Variants in THYN1 observed in about 807,000 individuals in gnomAD.
The protein encoded by THYN1 is thymocyte nuclear protein 1.
THYN1 carries 32 observed loss-of-function variants against 30.6 expected under a neutral mutation model. The observed-to-expected ratio is 1.05, with a 90% CI of 0.79 to 1.40. THYN1 has a LOEUF of 1.40. Among genes scored for constraint, THYN1 ranks in the 40% most tolerant of loss-of-function variants. The pLI is 0.00. For synonymous variants in THYN1, 107 were observed against 90.8 expected (o/e 1.18, Z -1.01); for missense variants, 259 against 272.6 (o/e 0.95, Z 0.35).
chr11:134,250,180 C>T (rs188859058), intron 3 of THYN1, 95 bp downstream of exon 3: 1 of 1,448,114 alleles, frequency 6.9e-7, no homozygotes, highest in African/African-American at 1.4e-5. Flanking sequence ...AAAAAGCAAC[C>T]TTGGCCAAGA....
intron 5 of THYN1, 83 bp downstream of exon 5, chr11:134,249,084 T>G: frequency 6.5e-7 from 1 of 1,544,534 alleles, no homozygotes; most frequent in Non-Finnish European, 8.9e-7. Context: ...CTGGGCCGTG[T>G]ACCTTGACCT....
At position 134,253,298 on chromosome 11, in the gene THYN1, C is replaced by T. The variant is rs764131240; in HGVS notation, c.-416G>A. 5.6e-5 allele frequency: 77 copies of T among 1,385,176 alleles called. No individual in the cohort carries two copies. Among genetic ancestry groups the T allele is most frequent in the Non-Finnish European group, 6.9e-5 (74 of 1,069,796 alleles). The allele number at this position is 1,385,176 out of a possible 1,614,324, so 85.8% of individuals were successfully genotyped here. ...GATGAAGTAATTTGCTGGCTACAGA[C>T]CCAACACTCTGCAGACTCGACTGCG... On this transcript the variant is annotated 5_prime_UTR_variant, in exon 1 of 7. Coordinates refer to ENST00000341541, the MANE Select transcript of THYN1 (RefSeq NM_014174.3).
rs1269107983 is a variant in THYN1, at chr11:134,249,148, T to C, written c.480+19A>G. ...GGTTCATCCTTCCCCTGTCATGAAA[T>C]AGAAAGCATAGTCTTTACCATGGAC... On this transcript the variant is annotated intron_variant, in intron 5 of 6. Coordinates refer to ENST00000341541, the MANE Select transcript of THYN1 (RefSeq NM_014174.3). 2.5e-6 allele frequency: 4 copies of C among 1,601,850 alleles called. No homozygotes were observed. The highest frequency in any genetic ancestry group is 2.6e-6 in the Non-Finnish European group (3 of 1,173,000).
At chr11:134,252,108 T>A (rs1029604237) in intron 1 of THYN1, among the ~76,000 whole-genome samples, 2 of 152,234 alleles carry the variant, frequency 1.3e-5, no homozygotes, top group Non-Finnish European at 2.9e-5. Flanking sequence ...TATCTGAAGC[T>A]ACTTAATGAC....
intron 2 of THYN1, among the ~76,000 whole-genome samples, chr11:134,250,601 C>G (rs1397145357): frequency 2.0e-5 from 3 of 152,074 alleles, no homozygotes; most frequent in Non-Finnish European, 4.4e-5. Context: ...CTGCTAGTTA[C>G]TTGCATTTTA....
chr11:134,249,380 G>C, intron 4 of THYN1, 118 bp from the exon 5 acceptor site: 1 of 958,532 alleles, frequency 1.0e-6, no homozygotes, highest in Non-Finnish European at 1.7e-6. Flanking sequence ...CTGCCTTGCT[G>C]TACAGCCAAT....
Position 134,253,252 on chromosome 11 carries a change from A to C in THYN1, c.-370T>G, listed in dbSNP as rs1304458099. On this transcript the variant is annotated 5_prime_UTR_variant, in exon 1 of 7. Transcript: ENST00000341541. ...CTTGTTATCCTTGCTAATTAGGATC[A>C]ACTGAATGGATAATCTAGATGATGA... The C allele has an allele frequency of 3.0e-6, 4 of 1,330,080 alleles. No homozygotes were observed. The African/African-American group carries it at 6.0e-5, about 20-fold the overall frequency. The allele number at this position is 1,330,080 out of a possible 1,614,324, so 82.4% of individuals were successfully genotyped here. A position where few individuals can be genotyped will look rare whatever the true frequency, so the allele number is the denominator to read the frequency against.
chr11:134,248,336 G>A lies in THYN1; in HGVS notation c.*102C>T, dbSNP rs776438697. ...ACACAAAAACCACTGAGGTACACAAGCCCAGGTAAGCATACCAAGCAAGCC... is the reference window on the plus strand; with the variant it reads ...ACACAAAAACCACTGAGGTACACAAACCCAGGTAAGCATACCAAGCAAGCC... On this transcript the variant is annotated 3_prime_UTR_variant, in exon 7 of 7. Transcript: ENST00000341541. 9.2e-6 allele frequency: 12 copies of A among 1,305,832 alleles called. No individual in the cohort carries two copies. Among genetic ancestry groups the A allele is most frequent in the African/African-American group, 2.9e-5 (2 of 68,652 alleles). 80.9% of individuals were successfully genotyped at this position (1,305,832 alleles called of 1,614,324 possible).
At chr11:134,249,799 G>A in intron 4 of THYN1, 29 bp downstream of exon 4, 5 of 1,607,144 alleles carry the variant, frequency 3.1e-6, no homozygotes, top group Non-Finnish European at 4.3e-6. Flanking sequence ...GGAGGAAAAG[G>A]GATTCACACC....
Position 134,253,349 on chromosome 11 carries a change from G to T in THYN1, c.-467C>A. 7.1e-7 allele frequency: 1 copy of T among 1,412,918 alleles called. No homozygotes were observed. The highest frequency in any genetic ancestry group is 2.6e-5 in the East Asian group (1 of 38,218). The allele number at this position is 1,412,918 out of a possible 1,614,324, so 87.5% of individuals were successfully genotyped here. Reference sequence around the variant, plus strand: ...GTCCGCCTCCGCTGCGCCGCAGGCTGTGCAGCGCGACCCCCGCGGCGCTTG... The same window carrying T: ...GTCCGCCTCCGCTGCGCCGCAGGCTTTGCAGCGCGACCCCCGCGGCGCTTG... On this transcript the variant is annotated 5_prime_UTR_variant, in exon 1 of 7. Transcript: ENST00000341541.
chr11:134,249,800 G>A, intron 4 of THYN1, 28 bp downstream of exon 4: 5 of 1,607,862 alleles, frequency 3.1e-6, no homozygotes, highest in Non-Finnish European at 4.3e-6. Flanking sequence ...GAGGAAAAGG[G>A]ATTCACACCA....
At chr11:134,252,573 A>AGCAG (rs1939137490) in intron 1 of THYN1, among the ~76,000 whole-genome samples, 1 of 152,316 alleles carries the variant, frequency 6.6e-6, no homozygotes, top group African/African-American at 2.4e-5. Context: ...TTCACCCGCA[A>AGCAG]GCAGGCGCTT....
chr11:134,251,481 A>G lies in THYN1; in HGVS notation c.44-173T>C, dbSNP rs546393534. 4 of 697,240 alleles carry G rather than the reference A, an allele frequency of 5.7e-6. No homozygotes were observed. In the East Asian group the frequency reaches 1.1e-4, roughly 18 times the overall value. The allele number at this position is 697,240 out of a possible 1,614,324, so 43.2% of individuals were successfully genotyped here. A position where few individuals can be genotyped will look rare whatever the true frequency, so the allele number is the denominator to read the frequency against. ...TCCTTATCTATAAAAATTAGACAAG[A>G]ATACCTACCTTACAGGGTATCTTCT... On this transcript the variant is annotated intron_variant, in intron 1 of 6. Transcript: ENST00000341541.
intron 6 of THYN1, 117 bp from the exon 7 acceptor site, chr11:134,248,601 C>A (rs962577001): frequency 1.4e-6 from 2 of 1,426,868 alleles, no homozygotes; most frequent in Non-Finnish European, 2.0e-6. Flanking sequence ...GTCATTCGTT[C>A]AAAACTATTT....
Position 134,253,228 on chromosome 11 carries a change from T to C in THYN1, c.-346A>G. 1 of 1,323,716 alleles carries C rather than the reference T, an allele frequency of 7.6e-7. No individual in the cohort carries two copies. The highest frequency in any genetic ancestry group is 9.6e-7 in the Non-Finnish European group (1 of 1,037,930). The allele number at this position is 1,323,716 out of a possible 1,614,324, so 82.0% of individuals were successfully genotyped here. On this transcript the variant is annotated 5_prime_UTR_variant, in exon 1 of 7. Coordinates refer to ENST00000341541, the MANE Select transcript of THYN1 (RefSeq NM_014174.3). ...GAATATAAGTAAGCCTTGTGTTACC[T>C]TGTTATCCTTGCTAATTAGGATCAA... is the stretch of plus-strand genomic sequence containing the variant.
At chr11:134,249,670 G>C (rs769585430) in intron 4 of THYN1, among the ~76,000 whole-genome samples, 158 bp downstream of exon 4, 1 of 151,238 alleles carries the variant, frequency 6.6e-6, no homozygotes, top group African/African-American at 2.4e-5. Context: ...TATCAGATAG[G>C]AAGGGGCCAG....
chr11:134,248,285 A>T lies in THYN1; in HGVS notation c.*153T>A. The stretch of plus-strand genomic sequence containing the variant: ...TGTGGTTTTAGAAGAAAAGTTCTTC[A>T]ACTTTGATATTTTATTGAAAAAAGT... On this transcript the variant is annotated 3_prime_UTR_variant, in exon 7 of 7. Transcript: ENST00000341541. 1.1e-6 allele frequency: 1 copy of T among 943,306 alleles called. No homozygotes were observed. The highest frequency in any genetic ancestry group is 1.8e-6 in the Non-Finnish European group (1 of 569,596). 58.4% of individuals were successfully genotyped at this position (943,306 alleles called of 1,614,324 possible).
chr11:134,248,565 C>T, intron 6 of THYN1, 81 bp from the exon 7 acceptor site: 4 of 1,542,204 alleles, frequency 2.6e-6, no homozygotes, highest in Non-Finnish European at 3.6e-6. Flanking sequence ...GGCACAGGTA[C>T]ATCTTACATG....
intron 1 of THYN1, 181 bp from the exon 2 acceptor site, chr11:134,251,489 C>T (rs1939048278): frequency 1.5e-6 from 1 of 660,538 alleles, no homozygotes. Context: ...AGAATACCTA[C>T]CTTACAGGGT....
Sources: gnomAD v4.1 joint callset for allele counts (sites outside exome capture counted in the v4.1 genomes callset) on GRCh38, gnomAD v4.1.1 for gene constraint, MANE v1.5 for transcripts, NCBI Gene and HGNC (gene_info 2026-07-23, HGNC 2026-07-21) for gene names.